OR10S1: variants seen among roughly 807,000 people sequenced by gnomAD.
OR10S1 encodes the protein olfactory receptor family 10 subfamily S member 1, also known as olfactory receptor 10S1.
For missense variants in OR10S1, 415 were observed against 407.9 expected (o/e 1.02, Z -0.15); for synonymous variants, 167 against 164.1 (o/e 1.02, Z -0.13).
Position 123,976,999 on chromosome 11 carries a change from G to A in OR10S1, c.666C>T (p.Ser222=), listed in dbSNP as rs747704645. The A allele has an allele frequency of 8.1e-6, 13 of 1,614,140 alleles. No homozygotes were observed. In the South Asian group the frequency reaches 1.4e-4, roughly 18 times the overall value. ...ACACAGCTGCCACGATGAAGATGTA[G>A]GAAATAACGATGAGGATGAGGCAGC... Residue 222 remains serine (S), a synonymous_variant, in exon 1 of 1, where the codon TCC becomes TCT. Coordinates refer to ENST00000641123, the Ensembl canonical transcript of OR10S1.
exon 1 of OR10S1, chr11:123,977,081 G>A (rs780434217): frequency 2.7e-5 from 43 of 1,614,138 alleles, no homozygotes; most frequent in Non-Finnish European, 3.6e-5. Context: ...GGTGGTGTCT[G>A]TACAGGCGAG....
At chr11:123,976,759 A>G (rs748428977) in exon 1 of OR10S1, 2 of 1,614,228 alleles carry the variant, frequency 1.2e-6, no homozygotes, top group East Asian at 2.2e-5. Flanking sequence ...TTTGCAGAGC[A>G]TGCTTCACCT....
exon 1 of OR10S1, chr11:123,977,357 G>A (rs17759447): frequency 0.014 from 23,079 of 1,614,088 alleles, 213 homozygotes; most frequent in Non-Finnish European, 0.018. Context: ...AAGCTGTACG[G>A]CACAGCCCTC....
chr11:123,977,329 C>T (rs867980308), exon 1 of OR10S1: 1 of 1,614,128 alleles, frequency 6.2e-7, no homozygotes, highest in Non-Finnish European at 8.5e-7. Flanking sequence ...CAGTGCTGGC[C>T]AGAAAGTGGA....
rs764877400 is a variant in OR10S1 at position 123,977,360 on chromosome 11, C to T, written c.305G>A (p.Cys102Tyr). 64 of 1,614,032 alleles carry T rather than the reference C, an allele frequency of 4.0e-5. No homozygotes were observed. In the Middle Eastern group the frequency reaches 9.9e-4, roughly 25 times the overall value. Residue 102 changes from cysteine (C) to tyrosine (Y), a missense_variant, in exon 1 of 1, where the codon TGT (cysteine) becomes TAT (tyrosine). Cys to Tyr is a radical substitution (Grantham distance 194, BLOSUM62 -2). Coordinates refer to ENST00000641123, the Ensembl canonical transcript of OR10S1. ...GTGGAAGCAATAAAGCTGTACGGCA[C>T]AGCCCTCAAAGGAGATCACCTTCCC...
chr11:123,976,984 C>G, exon 1 of OR10S1: 2 of 1,614,006 alleles, frequency 1.2e-6, no homozygotes, highest in Non-Finnish European at 1.7e-6. Context: ...ACACAGCTGC[C>G]ACGATGAAGA....
chr11:123,976,841 C>T, exon 1 of OR10S1: 3 of 1,614,136 alleles, frequency 1.9e-6, no homozygotes, highest in Non-Finnish European at 2.5e-6. Flanking sequence ...AGCAGGGGCC[C>T]CAGCTCCTGC....
exon 1 of OR10S1, chr11:123,977,692 C>T (rs760436923): frequency 1.3e-6 from 2 of 1,596,978 alleles, no homozygotes; most frequent in Non-Finnish European, 1.7e-6. Context: ...GGCTAGTCAT[C>T]CCCTTTGCAA....
exon 1 of OR10S1, chr11:123,977,349 G>T (rs1329894161): frequency 6.2e-7 from 1 of 1,614,030 alleles, no homozygotes; most frequent in Non-Finnish European, 8.5e-7. Flanking sequence ...AAGCAATAAA[G>T]CTGTACGGCA....
exon 1 of OR10S1, chr11:123,976,830 C>G (rs1275315134): frequency 1.2e-6 from 2 of 1,614,182 alleles, no homozygotes; most frequent in Admixed American, 3.3e-5. Flanking sequence ...GTGTAGAAGA[C>G]AGCAGGGGCC....
chr11:123,977,356 G>C (rs764689709), exon 1 of OR10S1: 4 of 1,614,100 alleles, frequency 2.5e-6, no homozygotes, highest in Non-Finnish European at 3.4e-6. Context: ...AAAGCTGTAC[G>C]GCACAGCCCT....
chr11:123,977,729 G>T, exon 1 of OR10S1: 1 of 1,556,804 alleles, frequency 6.4e-7, no homozygotes, highest in Non-Finnish European at 8.7e-7. Context: ...GGAATAAATA[G>T]CTGTATCCCT....
chr11:123,977,107 T>C, exon 1 of OR10S1: 1 of 1,613,696 alleles, frequency 6.2e-7, no homozygotes, highest in Non-Finnish European at 8.5e-7. Context: ...GGACAGGGGG[T>C]ATGTCGCAGA....
exon 1 of OR10S1, chr11:123,976,852 C>T: frequency 6.2e-7 from 1 of 1,614,198 alleles, no homozygotes; most frequent in Non-Finnish European, 8.5e-7. Flanking sequence ...CAGCTCCTGC[C>T]TCACTGGAGC....
chr11:123,976,805 A>G lies in OR10S1; in HGVS notation c.860T>C (p.Met287Thr), dbSNP rs970456936. The change falls in exon 1 of 1, where the codon ATG (methionine) becomes ACG (threonine). Residue 287 changes from methionine (M) to threonine (T), a missense_variant. Coordinates refer to ENST00000641123, the Ensembl canonical transcript of OR10S1. ...CAAAGTGTAAATGAATGGGTTGAGC[A>G]TTGGAGTTACGATTGTGTAGAAGAC... 13 of 1,614,074 alleles carry G rather than the reference A, an allele frequency of 8.1e-6. No homozygotes were observed. In the Admixed American group the frequency reaches 1.0e-4, roughly 12 times the overall value.
chr11:123,977,453 G>A (rs1863731790), exon 1 of OR10S1: 2 of 1,614,166 alleles, frequency 1.2e-6, no homozygotes, highest in South Asian at 2.2e-5. Context: ...ATCCAGGAAG[G>A]AGAGGTGCCC....
chr11:123,976,949 C>T (rs768212335), exon 1 of OR10S1: 18 of 1,613,738 alleles, frequency 1.1e-5, no homozygotes, highest in African/African-American at 1.1e-4. Flanking sequence ...GGCCCGCTGC[C>T]GGCCCTGGGC....
At position 123,976,836 on chromosome 11, in the gene OR10S1, G is replaced by T. The variant is rs1863723386; in HGVS notation, c.829C>A (p.Pro277Thr). The change falls in exon 1 of 1, where the codon CCT becomes ACT. Residue 277 changes from proline to threonine, a missense_variant. Pro to Thr is a conservative substitution (Grantham distance 38, BLOSUM62 -1). Coordinates refer to ENST00000641123, the Ensembl canonical transcript of OR10S1. ...GTTACGATTGTGTAGAAGACAGCAG[G>T]GGCCCCAGCTCCTGCCTCACTGGAG... The T allele has an allele frequency of 1.2e-6, 2 of 1,614,148 alleles. No homozygotes were observed. The highest frequency in any genetic ancestry group is 1.7e-6 in the Non-Finnish European group (2 of 1,180,020).
exon 1 of OR10S1, chr11:123,977,596 G>A (rs1394656425): frequency 4.3e-6 from 7 of 1,611,502 alleles, no homozygotes; most frequent in Admixed American, 3.3e-5. Context: ...GTTTAGCGGT[G>A]TACCTCAAAC....
Sources: allele counts gnomAD v4.1 joint callset, GRCh38; gene constraint gnomAD v4.1.1; transcripts MANE v1.5; gene names NCBI Gene and HGNC (gene_info 2026-07-23, HGNC 2026-07-21).